MAPK10: variants seen among roughly 807,000 people sequenced by gnomAD.
The protein encoded by MAPK10 is JNK3 alpha protein kinase.
In MAPK10, 25 loss-of-function variants were observed where a neutral mutation model predicts 59.3. That is an observed-to-expected ratio of 0.42 (90% confidence interval 0.31 to 0.59). The LOEUF is 0.59. MAPK10 is among the 20% of genes least tolerant of loss of function. The pLI, the probability that MAPK10 is intolerant of heterozygous loss-of-function variation, is 0.15. For synonymous variants in MAPK10, 190 were observed against 200.5 expected, an observed-to-expected ratio of 0.95 and a Z score of 0.44; for missense variants, 351 against 568.9, an observed-to-expected ratio of 0.62 and a Z score of 3.90.
chr4:86,211,589 G>C (rs969034159), intron 2 of MAPK10, among the ~76,000 whole-genome samples: 2 of 151,964 alleles, frequency 1.3e-5, no homozygotes, highest in African/African-American at 4.8e-5. Flanking sequence ...AAAGTCATTC[G>C]GGTTAAAATG....
intron 1 of MAPK10, among the ~76,000 whole-genome samples, chr4:86,511,621 A>G (rs1007784908): frequency 2.2e-4 from 34 of 151,300 alleles, no homozygotes; most frequent in African/African-American, 7.8e-4. Flanking sequence ...AGAAGGAGGA[A>G]GAGGAAAGAA....
chr4:86,562,401 C>G (rs879643574), intron 1 of MAPK10, among the ~76,000 whole-genome samples: 5 of 152,292 alleles, frequency 3.3e-5, no homozygotes, highest in Non-Finnish European at 5.9e-5. Flanking sequence ...ATTTTACATG[C>G]TGCTAGGCTG....
intron 4 of MAPK10, among the ~76,000 whole-genome samples, chr4:86,144,514 T>C (rs974846553): frequency 3.3e-5 from 5 of 152,204 alleles, no homozygotes; most frequent in African/African-American, 1.2e-4. Context: ...TCCCAGAGCA[T>C]ACATTTACAT....
At chr4:86,137,785 T>A (rs1368423287) in intron 4 of MAPK10, among the ~76,000 whole-genome samples, 3 of 144,354 alleles carry the variant, frequency 2.1e-5, no homozygotes, top group Admixed American at 2.0e-4. Context: ...GATAGACCGC[T>A]AGCAAGACTA....
At chr4:86,317,980 T>A (rs2095822387) in intron 2 of MAPK10, among the ~76,000 whole-genome samples, 1 of 152,178 alleles carries the variant, frequency 6.6e-6, no homozygotes, top group South Asian at 2.1e-4. Context: ...TGTAGCTGGA[T>A]CACTCCAGTC....
chr4:86,320,225 G>C (rs1457038193), intron 2 of MAPK10, among the ~76,000 whole-genome samples: 2 of 152,108 alleles, frequency 1.3e-5, no homozygotes, highest in African/African-American at 4.8e-5. Context: ...CAGTTAACAT[G>C]GTCTTTAATT....
At chr4:86,094,206 A>G (rs1283464206) in intron 9 of MAPK10, among the ~76,000 whole-genome samples, 1 of 151,994 alleles carries the variant, frequency 6.6e-6, no homozygotes, top group Non-Finnish European at 1.5e-5. Flanking sequence ...CAAACTTTAA[A>G]AAGATACAGC....
chr4:86,298,803 C>T (rs1040385624), intron 2 of MAPK10, among the ~76,000 whole-genome samples: 9 of 152,136 alleles, frequency 5.9e-5, no homozygotes, highest in African/African-American at 2.2e-4. Context: ...TTTCCTTGTA[C>T]TCAAATTCCA....
chr4:86,471,568 T>C (rs1579326679), intron 1 of MAPK10, among the ~76,000 whole-genome samples: 1 of 152,304 alleles, frequency 6.6e-6, no homozygotes, highest in East Asian at 1.9e-4. Flanking sequence ...AAAGTAATTA[T>C]ATAAAAATGG....
At chr4:86,161,231 G>A (rs1389256709) in intron 3 of MAPK10, among the ~76,000 whole-genome samples, 2 of 152,060 alleles carry the variant, frequency 1.3e-5, no homozygotes, top group Non-Finnish European at 2.9e-5. Flanking sequence ...ATCTGCAAAT[G>A]CAATAATAAA....
chr4:86,519,459 C>T (rs1232844539), intron 1 of MAPK10, among the ~76,000 whole-genome samples: 2 of 152,118 alleles, frequency 1.3e-5, no homozygotes, highest in Non-Finnish European at 2.9e-5. Context: ...CTTGTGGTTT[C>T]CATTTGCACG....
chr4:86,503,884 C>T (rs1755514482), intron 1 of MAPK10, among the ~76,000 whole-genome samples: 1 of 152,048 alleles, frequency 6.6e-6, no homozygotes, highest in African/African-American at 2.4e-5. Flanking sequence ...CCTACTCTAG[C>T]CACACCAGTC....
chr4:86,107,348 C>A lies in MAPK10; in HGVS notation c.241G>T (p.Ala81Ser). 1 of 1,612,276 alleles carries A rather than the reference C, an allele frequency of 6.2e-7. No individual in the cohort carries two copies. The highest frequency in any genetic ancestry group is 8.5e-7 in the Non-Finnish European group (1 of 1,178,996). Residue 81 changes from alanine (A) to serine (S), a missense_variant, in exon 5 of 14, where the codon GCG becomes TCG. This residue lies in a region of MAPK10 where 51 missense variants were observed against 72.7 expected (regional missense o/e 0.70). Transcript: ENST00000641462. ...TTTCTGTCAAGGACAGCATCATACG[C>A]GGCACTGTAGAGATCCAAGAGCAAC... is the stretch of plus-strand genomic sequence containing the variant. ...GSGAQGIVCA[A>S]YDAVLDRNVA... is the part of the protein sequence containing the mutation.
intron 4 of MAPK10, among the ~76,000 whole-genome samples, chr4:86,146,801 C>T (rs920555758): frequency 2.6e-5 from 4 of 152,158 alleles, no homozygotes; most frequent in Non-Finnish European, 5.9e-5. Flanking sequence ...GTCAATTTGT[C>T]ACAGCAGCCA....
chr4:86,533,911 T>G (rs1758032400), intron 1 of MAPK10, among the ~76,000 whole-genome samples: 1 of 152,126 alleles, frequency 6.6e-6, no homozygotes, highest in African/African-American at 2.4e-5. Context: ...GAGGAACCAA[T>G]CCCCTCCAAT....
At chr4:86,134,385 T>G (rs1480114937) in intron 4 of MAPK10, among the ~76,000 whole-genome samples, 1 of 152,220 alleles carries the variant, frequency 6.6e-6, no homozygotes, top group African/African-American at 2.4e-5. Context: ...TGAAAATTTC[T>G]CTGAAAAATT....
intron 4 of MAPK10, among the ~76,000 whole-genome samples, chr4:86,109,952 G>C (rs2057205543): frequency 6.6e-6 from 1 of 152,048 alleles, no homozygotes; most frequent in Non-Finnish European, 1.5e-5. Flanking sequence ...ATCTCATTAT[G>C]GTTTTGATTT....
chr4:86,429,628 C>T (rs1747765481), intron 1 of MAPK10: 1 of 151,946 alleles, frequency 6.6e-6, no homozygotes, highest in African/African-American at 2.4e-5. Flanking sequence ...CATAAAGAAA[C>T]CCCACCTCTA....
At chr4:86,520,252 T>C (rs912270178) in intron 1 of MAPK10, among the ~76,000 whole-genome samples, 3 of 152,230 alleles carry the variant, frequency 2.0e-5, no homozygotes, top group African/African-American at 7.2e-5. Context: ...GAACACCAAT[T>C]ATTCTTATGT....
Sources: gnomAD v4.1 joint callset for allele counts (sites outside exome capture counted in the v4.1 genomes callset) on GRCh38, gnomAD v4.1.1 for gene constraint, gnomAD v4.1.1 regional missense constraint, MANE v1.5 for transcripts, NCBI Gene and HGNC (gene_info 2026-07-23, HGNC 2026-07-21) for gene names.